UGT1A8: variants seen among roughly 807,000 people sequenced by gnomAD.
UGT1A8 encodes the protein UDP-glucuronosyltransferase 1A8.
In UGT1A8, 39 loss-of-function variants were observed where a neutral mutation model predicts 45.3. The observed-to-expected ratio is 0.86, with a 90% CI of 0.67 to 1.12. UGT1A8 has a LOEUF of 1.12. Among genes scored for constraint, UGT1A8 ranks in the 50% most tolerant of loss-of-function variants. UGT1A8 has a pLI of 0.00. For missense variants in UGT1A8, 719 were observed against 664.9 expected (o/e 1.08, Z -0.90); for synonymous variants, 275 against 249.2 (o/e 1.10, Z -0.97).
At chr2:233,630,106 C>A (rs1038655853) in intron 1 of UGT1A8, among the ~76,000 whole-genome samples, 1 of 151,910 alleles carries the variant, frequency 6.6e-6, no homozygotes, top group Admixed American at 6.6e-5. Context: ...AACAAACCAG[C>A]TTTGGTTTCA....
intron 1 of UGT1A8, among the ~76,000 whole-genome samples, chr2:233,705,124 G>A (rs1223845607): frequency 3.8e-5 from 5 of 133,010 alleles, no homozygotes; most frequent in Admixed American, 7.4e-5. Context: ...GGACAAGAGC[G>A]AGACTTCGTC....
intron 1 of UGT1A8, among the ~76,000 whole-genome samples, chr2:233,676,681 G>T (rs2074368074): frequency 6.6e-6 from 1 of 152,138 alleles, no homozygotes; most frequent in Admixed American, 6.5e-5. Flanking sequence ...GTCCTAGTCA[G>T]GTGTCCTGTA....
intron 1 of UGT1A8, among the ~76,000 whole-genome samples, chr2:233,667,514 A>T (rs1048032117): frequency 3.3e-5 from 5 of 152,186 alleles, no homozygotes; most frequent in African/African-American, 1.2e-4. Context: ...GTGGCAACAA[A>T]AGCCAAAATT....
chr2:233,619,042 C>T (rs1451450892), intron 1 of UGT1A8, among the ~76,000 whole-genome samples: 1 of 152,098 alleles, frequency 6.6e-6, no homozygotes, highest in Non-Finnish European at 1.5e-5. Context: ...TGAAACTCCC[C>T]TTTTTCCTAA....
At chr2:233,718,927 C>A in intron 1 of UGT1A8, 2 of 1,614,128 alleles carry the variant, frequency 1.2e-6, no homozygotes, top group Non-Finnish European at 8.5e-7. Flanking sequence ...GTGGTGCCCA[C>A]TGATGGCAGC....
At chr2:233,669,485 T>C (rs116377971) in intron 1 of UGT1A8, among the ~76,000 whole-genome samples, 107 of 152,324 alleles carry the variant, frequency 7.0e-4, no homozygotes, top group African/African-American at 2.5e-3. Flanking sequence ...AATGTTTTGT[T>C]GTTTTCAGTG....
intron 1 of UGT1A8, among the ~76,000 whole-genome samples, chr2:233,660,106 A>G (rs1001129466): frequency 1.3e-5 from 2 of 152,204 alleles, no homozygotes; most frequent in African/African-American, 4.8e-5. Flanking sequence ...CTGTGAAGTC[A>G]CGCACAACAT....
At chr2:233,689,068 A>G (rs2074925426) in intron 1 of UGT1A8, among the ~76,000 whole-genome samples, 1 of 152,202 alleles carries the variant, frequency 6.6e-6, no homozygotes, top group African/African-American at 2.4e-5. Flanking sequence ...TCCCTTTGTC[A>G]TGGCTTAACT....
rs372427845 is a variant in UGT1A8 at position 233,617,835 on chromosome 2, C to T, written c.128C>T (p.Ser43Leu). Residue 43 changes from serine to leucine, a missense_variant, in exon 1 of 5, where the codon TCG (serine) becomes TTG (leucine). By Grantham distance (145) the Ser-to-Leu change is moderately radical. Transcript: ENST00000373450. ...GGGAGTCACTGGTTCACCATGCAGT[C>T]GGTGGTGGAGAAACTTATCCTCAGG... Reference protein sequence around the residue: ...MDGSHWFTMQSVVEKLILRGH... With the variant: ...MDGSHWFTMQLVVEKLILRGH... 2.2e-5 allele frequency: 35 copies of T among 1,613,880 alleles called. No homozygotes were observed. The highest frequency in any genetic ancestry group is 1.3e-4 in the Admixed American group (8 of 59,978).
intron 1 of UGT1A8, among the ~76,000 whole-genome samples, chr2:233,649,547 C>G (rs2125474436): frequency 6.6e-6 from 1 of 152,268 alleles, no homozygotes; most frequent in South Asian, 2.1e-4. Context: ...ATCAAATCAA[C>G]TATCAGGCTG....
At chr2:233,767,675 CA>C (rs1699446425) in intron 2 of UGT1A8, among the ~76,000 whole-genome samples, 173 bp from the exon 3 acceptor site, 1 of 152,180 alleles carries the variant, frequency 6.6e-6, no homozygotes, top group Non-Finnish European at 1.5e-5. Flanking sequence ...ACTAAACCTC[CA>C]AAACAAGATG....
At chr2:233,716,705 A>T (rs576766862) in intron 1 of UGT1A8, among the ~76,000 whole-genome samples, 1 of 152,342 alleles carries the variant, frequency 6.6e-6, no homozygotes, top group East Asian at 1.9e-4. Flanking sequence ...TCTTAAAAAC[A>T]CTAAAGAGTT....
intron 1 of UGT1A8, chr2:233,713,779 T>G: frequency 6.2e-7 from 1 of 1,614,034 alleles, no homozygotes; most frequent in Non-Finnish European, 8.5e-7. Flanking sequence ...GACTTTGTGA[T>G]GGATTACCCC....
intron 1 of UGT1A8, among the ~76,000 whole-genome samples, chr2:233,624,814 C>T (rs1056094053): frequency 2.0e-5 from 3 of 152,050 alleles, no homozygotes; most frequent in African/African-American, 7.2e-5. Flanking sequence ...TGTTAAGTGC[C>T]TCATCAGTGT....
chr2:233,729,222 G>A (rs778525530), intron 1 of UGT1A8: 3 of 1,614,150 alleles, frequency 1.9e-6, no homozygotes, highest in Middle Eastern at 1.7e-4. Flanking sequence ...GAAAGGTGTT[G>A]GTGGTGCCCA....
chr2:233,732,613 T>C (rs1008182580), intron 1 of UGT1A8, among the ~76,000 whole-genome samples: 11 of 152,338 alleles, frequency 7.2e-5, no homozygotes, highest in Admixed American at 4.6e-4. Context: ...ATCAAATGGT[T>C]GTAGATGTGT....
intron 1 of UGT1A8, among the ~76,000 whole-genome samples, chr2:233,732,992 G>A (rs1489601833): frequency 1.3e-5 from 2 of 152,152 alleles, no homozygotes; most frequent in Non-Finnish European, 2.9e-5. Context: ...TCGTTGAGCA[G>A]TGGTTTGTAG....
At chr2:233,729,037 G>A in intron 1 of UGT1A8, 2 of 1,603,940 alleles carry the variant, frequency 1.2e-6, no homozygotes, top group Non-Finnish European at 1.7e-6. Context: ...TTTGCTAAGT[G>A]GCTCAGTGAC....
At chr2:233,764,179 C>T (rs1420569842) in intron 1 of UGT1A8, among the ~76,000 whole-genome samples, 1 of 152,170 alleles carries the variant, frequency 6.6e-6, no homozygotes. Flanking sequence ...CAGGGAAATT[C>T]TCTCATTCAG....
Sources: allele counts gnomAD v4.1 joint callset (sites outside exome capture counted in the v4.1 genomes callset), GRCh38; gene constraint gnomAD v4.1.1; transcripts MANE v1.5; gene names NCBI Gene and HGNC (gene_info 2026-07-23, HGNC 2026-07-21).